The following LARGE1 variants were observed in gnomAD, a reference collection of about 807,000 sequenced individuals.
LARGE1 encodes xylosyl- and glucuronyltransferase LARGE1.
A neutral mutation model predicts 87.6 loss-of-function variants in LARGE1; 43 were observed. The observed-to-expected ratio is 0.49, with a 90% CI of 0.38 to 0.63. LARGE1 has a LOEUF of 0.63. Ranked by LOEUF, LARGE1 falls within the 30% of genes least tolerant of loss-of-function variation. LARGE1 has a pLI of 0.00. For synonymous variants in LARGE1, 434 were observed against 394.6 expected (o/e 1.10, Z -1.18); for missense variants, 802 against 1,000.2 (o/e 0.80, Z 2.67).
chr22:33,826,347 T>TG (rs1331046106), intron 1 of LARGE1, among the ~76,000 whole-genome samples: 285 of 150,382 alleles, frequency 1.9e-3, no homozygotes, highest in Admixed American at 3.0e-3. Context: ...TGCATACCTT[T>TG]TTTTTTTTTT....
At chr22:33,525,957 G>A (rs2071870957) in intron 6 of LARGE1, among the ~76,000 whole-genome samples, 1 of 152,170 alleles carries the variant, frequency 6.6e-6, no homozygotes. Flanking sequence ...AACTGAAAAT[G>A]TATGTCCACA....
At chr22:33,759,720 G>A (rs757175900) in intron 2 of LARGE1, among the ~76,000 whole-genome samples, 8 of 152,186 alleles carry the variant, frequency 5.3e-5, no homozygotes, top group South Asian at 2.1e-4. Flanking sequence ...ATACTAGCAC[G>A]GGTGGTACCT....
upstream of LARGE1, among the ~76,000 whole-genome samples, chr22:33,921,387 C>A (rs62225076): frequency 2.0e-5 from 3 of 152,156 alleles, no homozygotes; most frequent in Non-Finnish European, 2.9e-5. The surrounding 1 kb of genome is among the most constrained non-coding windows in gnomAD (Gnocchi z 4.1). Flanking sequence ...GGAAGGGAAG[C>A]GGGACGGGCC....
At chr22:33,337,520 G>T (rs1346966136) in intron 10 of LARGE1, 126 bp downstream of exon 10, 2 of 1,092,854 alleles carry the variant, frequency 1.8e-6, no homozygotes, top group African/African-American at 3.1e-5. Context: ...TGGACCCTGG[G>T]CACCGATGGC....
Position 33,622,089 on chromosome 22 carries a change from C to A in LARGE1, c.491+4155G>T, listed in dbSNP as rs182454238. On this transcript the variant is annotated intron_variant, in intron 4 of 14. Coordinates refer to ENST00000397394, the MANE Select transcript of LARGE1 (RefSeq NM_133642.5). ...CTTGGCAACCTCCTGGTGCCACCCC[C>A]ACTGGAGGTTGTTAGGGAAAGGGTG... 3.0e-3 allele frequency among the ~76,000 whole-genome samples: 456 copies of A among 152,314 alleles called. 2 individuals are homozygous for A. The highest frequency in any genetic ancestry group is 0.01 in the African/African-American group (433 of 41,566).
At chr22:33,410,591 G>C (rs569621779) in intron 7 of LARGE1, among the ~76,000 whole-genome samples, 6 of 152,020 alleles carry the variant, frequency 3.9e-5, no homozygotes, top group Non-Finnish European at 8.8e-5. Flanking sequence ...ATGATTATAA[G>C]TTTCCTGACG....
intron 5 of LARGE1, among the ~76,000 whole-genome samples, chr22:33,570,349 G>C (rs147456552): frequency 6.6e-5 from 10 of 152,236 alleles, no homozygotes; most frequent in African/African-American, 2.4e-4. Context: ...GGGAAGTCAG[G>C]AATGCAGATG....
intron 9 of LARGE1, among the ~76,000 whole-genome samples, chr22:33,363,679 A>G (rs2064468054): frequency 2.7e-5 from 4 of 149,970 alleles, no homozygotes; most frequent in African/African-American, 9.8e-5. Context: ...ATAATTAGGC[A>G]CAGTGAAAGA....
chr22:33,258,131 G>A (rs969035154), intron 11 of LARGE1, among the ~76,000 whole-genome samples: 6 of 152,012 alleles, frequency 3.9e-5, no homozygotes, highest in Admixed American at 2.6e-4. Flanking sequence ...CAGGTTCACC[G>A]CGATTCTCCC....
At chr22:33,892,632 G>T (rs1254935011) in intron 1 of LARGE1, among the ~76,000 whole-genome samples, 1 of 152,168 alleles carries the variant, frequency 6.6e-6, no homozygotes, top group East Asian at 1.9e-4. Context: ...ACAAATGAAT[G>T]AATGAAAGAA....
chr22:33,333,697 G>A (rs1380396721), intron 10 of LARGE1, among the ~76,000 whole-genome samples: 1 of 152,122 alleles, frequency 6.6e-6, no homozygotes, highest in Non-Finnish European at 1.5e-5. Context: ...ATGTTAGGAC[G>A]GAGAACCTCA....
At chr22:33,877,729 C>A (rs964603729) in intron 1 of LARGE1, among the ~76,000 whole-genome samples, 4 of 152,016 alleles carry the variant, frequency 2.6e-5, no homozygotes, top group Non-Finnish European at 4.4e-5. Flanking sequence ...TCGAGACCAG[C>A]CTGGCCAACA....
chr22:33,548,518 C>T (rs553762071), intron 6 of LARGE1, among the ~76,000 whole-genome samples: 9 of 152,128 alleles, frequency 5.9e-5, no homozygotes, highest in East Asian at 1.9e-4. Context: ...CGGGTACAGG[C>T]GATTCCCCTG....
chr22:33,917,389 A>G (rs1305928399), intron 1 of LARGE1, among the ~76,000 whole-genome samples: 1 of 152,242 alleles, frequency 6.6e-6, no homozygotes, highest in Non-Finnish European at 1.5e-5. Context: ...GGCTGTGGAC[A>G]TTAATGATTT....
intron 5 of LARGE1, among the ~76,000 whole-genome samples, chr22:33,586,998 T>C (rs2078697204): frequency 6.6e-6 from 1 of 152,218 alleles, no homozygotes; most frequent in Non-Finnish European, 1.5e-5. Context: ...TACACAGACA[T>C]CTTTAAACTT....
intron 1 of LARGE1, among the ~76,000 whole-genome samples, chr22:33,827,471 A>T (rs2062833528): frequency 6.6e-6 from 1 of 152,194 alleles, no homozygotes; most frequent in Non-Finnish European, 1.5e-5. Flanking sequence ...GGACTGCAAA[A>T]AATGAGACAC....
intron 6 of LARGE1, among the ~76,000 whole-genome samples, chr22:33,553,871 G>T (rs2077600203): frequency 6.6e-6 from 1 of 152,048 alleles, no homozygotes; most frequent in African/African-American, 2.4e-5. Flanking sequence ...AGCCTAAAAG[G>T]GTCCTCCAGC....
At chr22:33,134,055 C>T in the LARGE1 span, among the ~76,000 whole-genome samples, 1 of 152,158 alleles carries the variant, frequency 6.6e-6, no homozygotes, top group Non-Finnish European at 1.5e-5. Flanking sequence ...ACTCCTTCAA[C>T]TAAGTCAGTC....
At chr22:33,361,647 C>G (rs1289111019) in intron 9 of LARGE1, among the ~76,000 whole-genome samples, 1 of 147,428 alleles carries the variant, frequency 6.8e-6, no homozygotes, top group East Asian at 2.0e-4. Flanking sequence ...GTTTGGATAT[C>G]AAGATTCAGC....
Sources: gnomAD v4.1 joint callset for allele counts (sites outside exome capture counted in the v4.1 genomes callset) on GRCh38, gnomAD v4.1.1 for gene constraint, Gnocchi (gnomAD v3.1) non-coding constraint, MANE v1.5 for transcripts, NCBI Gene and HGNC (gene_info 2026-07-23, HGNC 2026-07-21) for gene names.